The following CAPZA2 variants were observed in gnomAD, a reference collection of about 807,000 sequenced individuals.
CAPZA2 encodes capping actin protein of muscle Z-line subunit alpha 2.
A neutral mutation model predicts 44.0 loss-of-function variants in CAPZA2; 13 were observed. That is an observed-to-expected ratio of 0.30 (90% CI 0.19 to 0.47). The LOEUF (loss-of-function observed/expected upper bound fraction) is 0.47, where lower values mean the gene tolerates loss of function less well. Ranked by LOEUF, CAPZA2 falls within the 20% of genes least tolerant of loss-of-function variation. The pLI, the probability that CAPZA2 is intolerant of heterozygous loss-of-function variation, is 1.00. For missense variants in CAPZA2, 244 were observed against 338.6 expected (o/e 0.72, Z 2.19); for synonymous variants, 94 against 108.2 (o/e 0.87, Z 0.81).
chr7:116,917,453 T>C (rs1400670854), intron 9 of CAPZA2, among the ~76,000 whole-genome samples: 1 of 152,148 alleles, frequency 6.6e-6, no homozygotes, highest in Non-Finnish European at 1.5e-5. Context: ...GAGACAGGGT[T>C]TCACTGTGTT....
At chr7:116,884,307 T>G (rs1212201775) in intron 1 of CAPZA2, among the ~76,000 whole-genome samples, 1 of 152,190 alleles carries the variant, frequency 6.6e-6, no homozygotes, top group Non-Finnish European at 1.5e-5. Context: ...CATGTATAGA[T>G]CAATGTAATC....
At chr7:116,884,990 C>CA (rs1796743999) in intron 1 of CAPZA2, among the ~76,000 whole-genome samples, 1 of 152,178 alleles carries the variant, frequency 6.6e-6, no homozygotes, top group African/African-American at 2.4e-5. Context: ...TCTCTACTGA[C>CA]TAATGATATT....
chr7:116,893,758 CGTA>C (rs1796882743), intron 3 of CAPZA2, among the ~76,000 whole-genome samples: 1 of 152,136 alleles, frequency 6.6e-6, no homozygotes. Context: ...AAATGCCTAA[CGTA>C]GTACCTGACA....
chr7:116,907,481 A>T (rs557259497), intron 6 of CAPZA2, among the ~76,000 whole-genome samples: 1 of 152,320 alleles, frequency 6.6e-6, no homozygotes, highest in African/African-American at 2.4e-5. Flanking sequence ...ACACATAATA[A>T]AATCAATCTT....
intron 1 of CAPZA2, among the ~76,000 whole-genome samples, chr7:116,881,997 G>T (rs894171373): frequency 6.6e-6 from 1 of 152,056 alleles, no homozygotes; most frequent in African/African-American, 2.4e-5. Flanking sequence ...TGAATTTTTG[G>T]CAGGAGTGTC....
At chr7:116,894,319 G>A (rs377531063) in intron 3 of CAPZA2, among the ~76,000 whole-genome samples, 5 of 147,048 alleles carry the variant, frequency 3.4e-5, no homozygotes, top group East Asian at 2.0e-4. Context: ...CCGAGATGGC[G>A]CCACTGCACT....
At chr7:116,910,340 T>A in intron 7 of CAPZA2, 29 bp downstream of exon 7, 1 of 1,052,600 alleles carries the variant, frequency 9.5e-7, no homozygotes, top group Non-Finnish European at 1.5e-6. Flanking sequence ...TTACTGATCT[T>A]TAGATGATTC....
Position 116,862,629 on chromosome 7 carries a change from G to C in CAPZA2, c.18G>C (p.Glu6Asp). 1.3e-6 allele frequency: 2 copies of C among 1,540,356 alleles called. No homozygotes were observed. Among genetic ancestry groups the C allele is most frequent in the Non-Finnish European group, 1.8e-6 (2 of 1,142,406 alleles). Residue 6 changes from glutamate to aspartate, a missense_variant, in exon 1 of 10, where the codon GAG (glutamate) becomes GAC (aspartate). Physicochemically the swap from Glu to Asp is conservative, Grantham distance 45. Coordinates refer to ENST00000361183, the MANE Select transcript of CAPZA2 (RefSeq NM_006136.3). ...GAAGGAAGATGGCGGATCTGGAGGA[G>C]CAGTTGTCTGATGAAGAGAAGGTAA... MADLEEQLSDEEKVRI... is the reference protein window; with the variant it reads MADLEDQLSDEEKVRI...
chr7:116,916,075 G>T lies in CAPZA2; in HGVS notation c.673G>T (p.Ala225Ser), dbSNP rs867134390. Residue 225 changes from alanine (A) to serine (S), a missense_variant, in exon 9 of 10, where the codon GCA (alanine) becomes TCA (serine). Coordinates refer to ENST00000361183, the MANE Select transcript of CAPZA2 (RefSeq NM_006136.3). ...SLTVSNEVQT[A>S]KEFIKIVEAA... ...TTTTTTTCAGAATGAAGTGCAAACA[G>T]CAAAAGAATTTATAAAGATTGTAGA... is the stretch of plus-strand genomic sequence containing the variant. The T allele has an allele frequency of 3.3e-6, 5 of 1,510,104 alleles. No individual in the cohort carries two copies. In the African/African-American group the frequency reaches 7.2e-5, roughly 22 times the overall value. 93.5% of individuals were successfully genotyped at this position (1,510,104 alleles called of 1,614,324 possible).
At chr7:116,898,427 C>G (rs1483795099) in intron 3 of CAPZA2, among the ~76,000 whole-genome samples, 1 of 152,042 alleles carries the variant, frequency 6.6e-6, no homozygotes, top group Non-Finnish European at 1.5e-5. Flanking sequence ...CTTACAGCAC[C>G]TAGTCTGTTT....
chr7:116,869,649 C>G (rs1796525372), intron 1 of CAPZA2, among the ~76,000 whole-genome samples: 1 of 152,114 alleles, frequency 6.6e-6, no homozygotes, highest in Admixed American at 6.5e-5. Context: ...GGATATAGTT[C>G]AGTAACAAAA....
chr7:116,907,348 C>T (rs1015835434), intron 6 of CAPZA2, among the ~76,000 whole-genome samples: 3 of 152,162 alleles, frequency 2.0e-5, no homozygotes, highest in Admixed American at 6.5e-5. Flanking sequence ...TATAGAGTTA[C>T]TTTTATGGAC....
At chr7:116,880,444 C>A (rs1379149003) in intron 1 of CAPZA2, among the ~76,000 whole-genome samples, 1 of 152,108 alleles carries the variant, frequency 6.6e-6, no homozygotes, top group Non-Finnish European at 1.5e-5. Flanking sequence ...GTTGCCCAGG[C>A]TGGAGTGCAA....
chr7:116,868,354 C>T (rs1379580651), intron 1 of CAPZA2, among the ~76,000 whole-genome samples: 1 of 152,152 alleles, frequency 6.6e-6, no homozygotes, highest in Non-Finnish European at 1.5e-5. Flanking sequence ...TATACTTCTC[C>T]CTCAGTGACT....
At chr7:116,911,952 A>G in intron 7 of CAPZA2, 117 bp from the exon 8 acceptor site, 1 of 1,519,524 alleles carries the variant, frequency 6.6e-7, no homozygotes, top group Non-Finnish European at 8.9e-7. Flanking sequence ...GGGGCTCAGC[A>G]GAGAAGTCTA....
chr7:116,877,394 A>G (rs1275611134), intron 1 of CAPZA2, among the ~76,000 whole-genome samples: 5 of 152,238 alleles, frequency 3.3e-5, no homozygotes, highest in African/African-American at 4.8e-5. Context: ...CAAATCATGT[A>G]TATGAAGTGA....
chr7:116,893,365 G>A (rs1040360596), intron 3 of CAPZA2, among the ~76,000 whole-genome samples: 6 of 152,122 alleles, frequency 3.9e-5, no homozygotes, highest in African/African-American at 9.7e-5. Context: ...TCCTGACCTC[G>A]TGATCCACCT....
intron 4 of CAPZA2, among the ~76,000 whole-genome samples, chr7:116,901,889 G>A (rs928872189): frequency 1.3e-5 from 2 of 150,506 alleles, no homozygotes; most frequent in African/African-American, 2.5e-5. Context: ...AAATGTGTGT[G>A]TGTGTGTGTG....
intron 4 of CAPZA2, among the ~76,000 whole-genome samples, chr7:116,901,622 C>G (rs1165997927): frequency 6.6e-6 from 1 of 151,968 alleles, no homozygotes; most frequent in Non-Finnish European, 1.5e-5. Context: ...ACAAGTTTAC[C>G]TATATAATAA....
Sources: allele counts gnomAD v4.1 joint callset (sites outside exome capture counted in the v4.1 genomes callset), GRCh38; gene constraint gnomAD v4.1.1; transcripts MANE v1.5; gene names NCBI Gene and HGNC (gene_info 2026-07-23, HGNC 2026-07-21).